The following CA10 variants were observed in gnomAD, a reference collection of about 807,000 sequenced individuals.
The protein encoded by CA10 is carbonic anhydrase-related protein 10.
CA10 carries 14 observed loss-of-function variants against 44.2 expected under a neutral mutation model. The ratio of observed to expected loss-of-function variants is 0.32; its 90% confidence interval spans 0.21 to 0.50. The LOEUF is 0.50. Among genes scored for constraint, CA10 ranks in the 20% least tolerant of loss-of-function variants. The pLI is 0.99. For missense variants in CA10, 350 were observed against 409.7 expected, an observed-to-expected ratio of 0.85 and a Z score of 1.26; for synonymous variants, 159 against 141.6, an observed-to-expected ratio of 1.12 and a Z score of -0.87.
intron 3 of CA10, among the ~76,000 whole-genome samples, chr17:51,774,422 G>A (rs971494155): frequency 2.0e-5 from 3 of 150,928 alleles, no homozygotes; most frequent in Non-Finnish European, 2.9e-5. Context: ...AGGGGTGAGT[G>A]GAAACCTTGC....
In CA10 at chr17:51,896,063, T is replaced by TA. The variant is rs1234236827; in HGVS notation, c.279+34926dup. ...TCATCAAGGTATTATTTGCATACAA[T>TA]AAAATGCACAGATTTTTATTTATTT... On this transcript the variant is annotated intron_variant, in intron 3 of 8. Transcript: ENST00000451037. 2.0e-5 allele frequency among the ~76,000 whole-genome samples: 3 copies of TA among 152,154 alleles called. No individual in the cohort carries two copies. The East Asian group carries it at 5.8e-4, about 29-fold the overall frequency.
intron 2 of CA10, among the ~76,000 whole-genome samples, chr17:51,978,068 G>T (rs1418578841): frequency 1.3e-5 from 2 of 152,044 alleles, no homozygotes; most frequent in Non-Finnish European, 2.9e-5. Flanking sequence ...GGTTTGGAAG[G>T]CTCAGTATTA....
intron 4 of CA10, among the ~76,000 whole-genome samples, chr17:51,717,805 A>ATG (rs368870632): frequency 1.4e-3 from 34 of 23,602 alleles, no homozygotes; most frequent in Admixed American, 3.3e-3. Context: ...ATGTGTATAT[A>ATG]TATACACGTA....
At chr17:51,792,248 T>C (rs1003038992) in intron 3 of CA10, among the ~76,000 whole-genome samples, 1 of 152,108 alleles carries the variant, frequency 6.6e-6, no homozygotes, top group Non-Finnish European at 1.5e-5. Context: ...GAGCTAGAAA[T>C]AGAGACCAAT....
intron 3 of CA10, among the ~76,000 whole-genome samples, chr17:51,865,921 A>G (rs928559890): frequency 6.6e-6 from 1 of 152,208 alleles, no homozygotes; most frequent in Non-Finnish European, 1.5e-5. Context: ...GTAAGATGGG[A>G]CCATGCACCC....
At chr17:51,985,158 T>C (rs1984786027) in intron 2 of CA10, among the ~76,000 whole-genome samples, 1 of 151,838 alleles carries the variant, frequency 6.6e-6, no homozygotes, top group African/African-American at 2.4e-5. Context: ...ATCAAAAAAA[T>C]AATCCACCAT....
intron 2 of CA10, among the ~76,000 whole-genome samples, chr17:51,994,857 T>C (rs987922464): frequency 1.3e-5 from 2 of 151,950 alleles, no homozygotes; most frequent in Non-Finnish European, 2.9e-5. Flanking sequence ...TACCTCATTA[T>C]ATCCATATCC....
At chr17:52,006,218 T>C (rs1173853154) in intron 2 of CA10, among the ~76,000 whole-genome samples, 1 of 151,818 alleles carries the variant, frequency 6.6e-6, no homozygotes, top group Admixed American at 6.6e-5. Flanking sequence ...GAAGGAAGTA[T>C]GAACTCATGA....
At chr17:51,968,549 G>A (rs970818259) in intron 2 of CA10, among the ~76,000 whole-genome samples, 2 of 151,844 alleles carry the variant, frequency 1.3e-5, no homozygotes, top group Non-Finnish European at 2.9e-5. Context: ...TATAGAGACA[G>A]ACAGGTAGTG....
At chr17:52,005,196 A>G (rs1050268548) in intron 2 of CA10, among the ~76,000 whole-genome samples, 18 of 151,976 alleles carry the variant, frequency 1.2e-4, no homozygotes, top group Admixed American at 1.2e-3. Context: ...TAGGACCTTA[A>G]TGATTCTACA....
intron 3 of CA10, among the ~76,000 whole-genome samples, chr17:51,849,821 C>T (rs895059981): frequency 3.3e-5 from 5 of 152,142 alleles, no homozygotes; most frequent in Middle Eastern, 3.2e-3. Flanking sequence ...GCTGTCATGC[C>T]GAGGGCTGTG....
intron 3 of CA10, among the ~76,000 whole-genome samples, chr17:51,819,296 G>A (rs189548454): frequency 1.5e-4 from 23 of 152,252 alleles, no homozygotes; most frequent in African/African-American, 4.1e-4. Flanking sequence ...CTGGTCAAGC[G>A]TTGGTATTGG....
At chr17:51,863,221 C>T (rs1036597183) in intron 3 of CA10, among the ~76,000 whole-genome samples, 1 of 152,194 alleles carries the variant, frequency 6.6e-6, no homozygotes, top group Non-Finnish European at 1.5e-5. Context: ...TTGTTGTTAT[C>T]ATCATCGATT....
intron 6 of CA10, 28 bp downstream of exon 6, chr17:51,649,154 G>A (rs373645027): frequency 6.0e-5 from 91 of 1,527,444 alleles, no homozygotes; most frequent in Middle Eastern, 1.7e-4. Flanking sequence ...TAGAATAGTT[G>A]CTGTGGAGGA....
chr17:52,030,488 C>T lies in CA10; in HGVS notation c.136+41831G>A, dbSNP rs550101624. Among the ~76,000 whole-genome samples the T allele has an allele frequency of 2.0e-5, 3 of 152,274 alleles. No individual in the cohort carries two copies. In the East Asian group the frequency reaches 5.8e-4, roughly 29 times the overall value. ...CCCACATAAATGGAAGCACAGGAGGCACAAATGGGATTCCATTTCCATCTC... is the reference window on the plus strand; with the variant it reads ...CCCACATAAATGGAAGCACAGGAGGTACAAATGGGATTCCATTTCCATCTC... On this transcript the variant is annotated intron_variant, in intron 2 of 8. Transcript: ENST00000451037.
At chr17:52,072,551 A>T (rs1434203337) in intron 1 of CA10, among the ~76,000 whole-genome samples, 158 bp from the exon 2 acceptor site, 1 of 143,744 alleles carries the variant, frequency 7.0e-6, no homozygotes, top group African/African-American at 2.6e-5. Context: ...TTTTTTTTTC[A>T]AATAGATCAT....
chr17:52,063,477 G>A (rs1048116194), intron 2 of CA10, among the ~76,000 whole-genome samples: 2 of 152,192 alleles, frequency 1.3e-5, no homozygotes, highest in African/African-American at 4.8e-5. Flanking sequence ...AATGTTGCAG[G>A]TGGGGTCTAA....
chr17:51,630,772 ATTAACTCG>A lies in CA10; in HGVS notation c.*804_*811del, dbSNP rs1567780482. ...AACAGACCAAAGCCAGAAAAATGAA[ATTAACTCG>A]TTAAACACATTTATTGAGCTGGTAA... On this transcript the variant is annotated 3_prime_UTR_variant, in exon 9 of 9. Coordinates refer to ENST00000451037, the MANE Select transcript of CA10 (RefSeq NM_020178.5). The A allele has an allele frequency of 2.6e-5, 4 of 152,766 alleles. No homozygotes were observed. In the South Asian group the frequency reaches 8.3e-4, roughly 32 times the overall value. 9.5% of individuals were successfully genotyped at this position (152,766 alleles called of 1,614,324 possible).
At chr17:52,066,763 G>T (rs1987548601) in intron 2 of CA10, among the ~76,000 whole-genome samples, 1 of 152,194 alleles carries the variant, frequency 6.6e-6, no homozygotes, top group Non-Finnish European at 1.5e-5. Context: ...GTATAAAGGT[G>T]ACTCTTGCTA....
Sources: gnomAD v4.1 joint callset for allele counts (sites outside exome capture counted in the v4.1 genomes callset) on GRCh38, gnomAD v4.1.1 for gene constraint, MANE v1.5 for transcripts, NCBI Gene and HGNC (gene_info 2026-07-23, HGNC 2026-07-21) for gene names.